Variants in TTC39A observed in about 807,000 individuals in gnomAD.
TTC39A encodes tetratricopeptide repeat protein 39A.
In TTC39A, 46 loss-of-function variants were observed where a neutral mutation model predicts 82.3. That is an observed-to-expected ratio of 0.56 (90% confidence interval 0.44 to 0.71). The LOEUF is 0.71. Ranked by LOEUF, TTC39A falls within the 30% of genes least tolerant of loss-of-function variation. TTC39A has a pLI of 0.00. For synonymous variants in TTC39A, 254 were observed against 275.2 expected (o/e 0.92, Z 0.76); for missense variants, 543 against 712.9 (o/e 0.76, Z 2.71).
chr1:51,301,883 C>A, intron 11 of TTC39A, 150 bp from the exon 12 acceptor site: 1 of 1,112,886 alleles, frequency 9.0e-7, no homozygotes, highest in Non-Finnish European at 1.3e-6. Context: ...CCCCAGGAGC[C>A]AGGAGATCTG....
At position 51,321,077 on chromosome 1, in the gene TTC39A, T is replaced by A. The variant is rs1312064493; in HGVS notation, c.146+644A>T. On this transcript the variant is annotated intron_variant, in intron 2 of 17. Coordinates refer to ENST00000680483, the MANE Select transcript of TTC39A (RefSeq NM_001297663.2). The surrounding 1 kb of genome is among the most constrained non-coding windows in gnomAD (Gnocchi z 4.6). ...TTGGTAGAGATGGGGTTTCACCATG[T>A]TGGCCAGGCTGGTCTTGAACTTCTG... Among the ~76,000 whole-genome samples the A allele has an allele frequency of 6.6e-6, 1 of 151,126 alleles. No homozygotes were observed. The highest frequency in any genetic ancestry group is 1.5e-5 in the Non-Finnish European group (1 of 67,788).
At chr1:51,303,218 G>A in intron 8 of TTC39A, 26 bp from the exon 9 acceptor site, 2 of 1,509,426 alleles carry the variant, frequency 1.3e-6, no homozygotes, top group Non-Finnish European at 1.8e-6. Flanking sequence ...GGTGGGTGAG[G>A]CTCCCAGAGA....
chr1:51,317,321 T>C (rs1645322001), intron 2 of TTC39A, among the ~76,000 whole-genome samples: 1 of 152,230 alleles, frequency 6.6e-6, no homozygotes, highest in South Asian at 2.1e-4. Context: ...GACCCGTGGT[T>C]CTCAATGGAA....
At chr1:51,343,115 G>C (rs561250071) in intron 1 of TTC39A, 14 of 455,520 alleles carry the variant, frequency 3.1e-5, no homozygotes, top group South Asian at 2.2e-4. Context: ...AAGTGATCTC[G>C]TGCTCCTCAG....
chr1:51,341,214 C>T (rs1000271809), intron 1 of TTC39A, among the ~76,000 whole-genome samples: 5 of 121,966 alleles, frequency 4.1e-5, no homozygotes, highest in Non-Finnish European at 8.0e-5. Context: ...ACCAAAAAAA[C>T]AAAACCAGCT....
chr1:51,310,152 G>A (rs1388321140), intron 5 of TTC39A, among the ~76,000 whole-genome samples: 1 of 152,078 alleles, frequency 6.6e-6, no homozygotes, highest in African/African-American at 2.4e-5. Context: ...CAGGAAAATC[G>A]CTTGAACCCA....
chr1:51,308,243 CCCT>C (rs1253775136), intron 6 of TTC39A, among the ~76,000 whole-genome samples: 2 of 151,856 alleles, frequency 1.3e-5, no homozygotes, highest in Non-Finnish European at 2.9e-5. Context: ...CCGCCACCCC[CCCT>C]TTTTTTTTTT....
At chr1:51,292,197 AAAAT>A (rs1188226772) in intron 14 of TTC39A, among the ~76,000 whole-genome samples, 2 of 152,158 alleles carry the variant, frequency 1.3e-5, no homozygotes, top group Non-Finnish European at 2.9e-5. Context: ...TAAATATTTA[AAAAT>A]AAATAAAATA....
intron 5 of TTC39A, among the ~76,000 whole-genome samples, chr1:51,309,843 T>C (rs1360347100): frequency 6.6e-6 from 1 of 152,066 alleles, no homozygotes; most frequent in Non-Finnish European, 1.5e-5. Context: ...AACTGCGGTG[T>C]GTTCATGCAA....
At position 51,314,165 on chromosome 1, in the gene TTC39A, G is replaced by T. The variant is rs1645196654; in HGVS notation, c.147-1222C>A. Among the ~76,000 whole-genome samples the T allele has an allele frequency of 2.6e-5, 4 of 152,192 alleles. No individual in the cohort carries two copies. In the South Asian group the frequency reaches 8.3e-4, roughly 31 times the overall value. On this transcript the variant is annotated intron_variant, in intron 2 of 17. Coordinates refer to ENST00000680483, the MANE Select transcript of TTC39A (RefSeq NM_001297663.2). ...AGGCTCCTCAGCTGAAGGGTGTGTT[G>T]GGGGCAGGGGGTGGCATTTAGTCCA...
rs546286664 is a variant in TTC39A, at chr1:51,330,282, G to A, written c.41+155C>T. The A allele has an allele frequency of 4.3e-4, 404 of 941,828 alleles. No homozygotes were observed. The African/African-American group carries it at 6.5e-3, about 15-fold the overall frequency. 58.3% of individuals were successfully genotyped at this position (941,828 alleles called of 1,614,324 possible). On this transcript the variant is annotated intron_variant, in intron 1 of 17. Transcript: ENST00000680483. The surrounding 1 kb of genome is among the most constrained non-coding windows in gnomAD (Gnocchi z 4.5). ...GCCCCCTGCCCCCACTCCTGGCAGC[G>A]GCGGCGGCTGCCAGGGGCCGGGCGG...
At chr1:51,301,072 C>T (rs987260663) in intron 12 of TTC39A, 1 of 152,560 alleles carries the variant, frequency 6.6e-6, no homozygotes, top group African/African-American at 2.4e-5. Context: ...TCCAGCCCTA[C>T]CTGAAGTCGG....
At position 51,316,852 on chromosome 1, in the gene TTC39A, T is replaced by C. The variant is rs141899691; in HGVS notation, c.147-3909A>G. ...GGCAGATGTGAGGCCCTGCCCAAGG[T>C]AAATGACGCCAACCCAAGGGGGAGG... On this transcript the variant is annotated intron_variant, in intron 2 of 17. Transcript: ENST00000680483. Among the ~76,000 whole-genome samples the C allele has an allele frequency of 2.0e-5, 3 of 152,218 alleles. No homozygotes were observed. The East Asian group carries it at 5.8e-4, about 29-fold the overall frequency.
At chr1:51,302,606 G>A (rs578227677) in intron 9 of TTC39A, 33 bp from the exon 10 acceptor site, 1 of 1,575,904 alleles carries the variant, frequency 6.3e-7, no homozygotes, top group South Asian at 1.2e-5. Flanking sequence ...CACAGAACAT[G>A]TCACCACCCC....
At chr1:51,312,261 T>C in intron 3 of TTC39A, 66 bp from the exon 4 acceptor site, 1 of 1,431,900 alleles carries the variant, frequency 7.0e-7, no homozygotes, top group Non-Finnish European at 9.6e-7. Flanking sequence ...TCTGCCCCTC[T>C]CTGCTACACC....
intron 2 of TTC39A, among the ~76,000 whole-genome samples, chr1:51,314,977 G>A (rs1454623327): frequency 2.6e-5 from 4 of 152,198 alleles, no homozygotes; most frequent in South Asian, 2.1e-4. Flanking sequence ...CCTTCTCCTC[G>A]AGGAGGGGCT....
At chr1:51,309,179 C>T (rs1644985076) in intron 6 of TTC39A, 82 bp downstream of exon 6, 2 of 1,506,688 alleles carry the variant, frequency 1.3e-6, no homozygotes, top group Admixed American at 2.2e-5. Context: ...TCTTCTTCTC[C>T]CACAAAGCCG....
chr1:51,316,251 C>T (rs1027389772), intron 2 of TTC39A, among the ~76,000 whole-genome samples: 9 of 152,200 alleles, frequency 5.9e-5, no homozygotes, highest in Non-Finnish European at 1.2e-4. Flanking sequence ...CACCTCCATC[C>T]TTTGAGTCAT....
In TTC39A at chr1:51,302,560, G is replaced by T; in HGVS notation, c.777C>A (p.Val259=). The change falls in exon 10 of 18, where the codon GTC becomes GTA. Residue 259 remains valine, a synonymous_variant. Transcript: ENST00000680483. Reference sequence around the variant, plus strand: ...AGAGCTTCTCGGCCTCCTCGATGTTGACGTTCCCAGTACCTGGAGGAGATG... The same window carrying T: ...AGAGCTTCTCGGCCTCCTCGATGTTTACGTTCCCAGTACCTGGAGGAGATG... ...FLTFVLGTGN[V]NIEEAEKLLK... The T allele has an allele frequency of 1.9e-6, 3 of 1,604,162 alleles. No individual in the cohort carries two copies. Among genetic ancestry groups the T allele is most frequent in the Non-Finnish European group, 2.6e-6 (3 of 1,175,436 alleles).
Sources: allele counts gnomAD v4.1 joint callset (sites outside exome capture counted in the v4.1 genomes callset), GRCh38; gene constraint gnomAD v4.1.1; non-coding constraint Gnocchi (gnomAD v3.1); transcripts MANE v1.5; gene names NCBI Gene and HGNC (gene_info 2026-07-23, HGNC 2026-07-21).